The following MLLT3 variants were observed in gnomAD, a reference collection of about 807,000 sequenced individuals.
MLLT3 encodes protein AF-9.
MLLT3 carries 4 observed loss-of-function variants against 53.2 expected under a neutral mutation model. That is an observed-to-expected ratio of 0.08 (90% CI 0.04 to 0.17). MLLT3 has a LOEUF of 0.17. Among genes scored for constraint, MLLT3 ranks in the 10% least tolerant of loss-of-function variants. MLLT3 has a pLI of 1.00. For missense variants in MLLT3, 569 were observed against 684.0 expected (o/e 0.83, Z 1.87); for synonymous variants, 283 against 230.6 (o/e 1.23, Z -2.06).
intron 5 of MLLT3, among the ~76,000 whole-genome samples, chr9:20,379,749 G>A (rs976819081): frequency 6.6e-6 from 1 of 151,902 alleles, no homozygotes; most frequent in Non-Finnish European, 1.5e-5. Flanking sequence ...CTCCAGTTAG[G>A]CTTAACATTC....
At chr9:20,402,266 T>G (rs1438179771) in intron 5 of MLLT3, among the ~76,000 whole-genome samples, 1 of 152,162 alleles carries the variant, frequency 6.6e-6, no homozygotes, top group African/African-American at 2.4e-5. Context: ...AAGAACAGTT[T>G]CAAGAGCAAA....
chr9:20,462,359 A>G (rs1824131590), intron 2 of MLLT3, among the ~76,000 whole-genome samples: 1 of 152,200 alleles, frequency 6.6e-6, no homozygotes, highest in African/African-American at 2.4e-5. Context: ...CAACAAATAC[A>G]TTGAGTTGTA....
At chr9:20,449,108 C>T (rs1823778206) in intron 3 of MLLT3, among the ~76,000 whole-genome samples, 1 of 152,176 alleles carries the variant, frequency 6.6e-6, no homozygotes, top group African/African-American at 2.4e-5. Context: ...TAACTCCCGA[C>T]TCCCCACTGC....
At chr9:20,592,382 T>A (rs1820151138) in intron 2 of MLLT3, among the ~76,000 whole-genome samples, 1 of 152,226 alleles carries the variant, frequency 6.6e-6, no homozygotes, top group African/African-American at 2.4e-5. Flanking sequence ...AAGATGAAGA[T>A]ATCAGCAGGG....
In MLLT3 at chr9:20,448,066, T is replaced by C. The variant is rs1287473125; in HGVS notation, c.420+57A>G. 3 of 1,557,756 alleles carry C rather than the reference T, an allele frequency of 1.9e-6. No individual in the cohort carries two copies. Among genetic ancestry groups the C allele is most frequent in the Non-Finnish European group, 2.6e-6 (3 of 1,153,218 alleles). ...ATGAGGAACTAGTTTGTTTGTTTTT[T>C]TTTTTGTTGTTGTTGTTTTTTAATA... On this transcript the variant is annotated intron_variant, in intron 4 of 10. Transcript: ENST00000380338. The surrounding 1 kb of genome is among the most constrained non-coding windows in gnomAD (Gnocchi z 4.0).
At chr9:20,588,710 T>G (rs1014584675) in intron 2 of MLLT3, among the ~76,000 whole-genome samples, 16 of 152,222 alleles carry the variant, frequency 1.1e-4, no homozygotes, top group Admixed American at 1.0e-3. Flanking sequence ...GAGACTTTGC[T>G]GAAGTTGCTT....
At chr9:20,346,758 T>C (rs1411351502) in intron 10 of MLLT3, among the ~76,000 whole-genome samples, 184 bp from the exon 11 acceptor site, 1 of 152,182 alleles carries the variant, frequency 6.6e-6, no homozygotes, top group East Asian at 1.9e-4. Flanking sequence ...AAAGGTATAT[T>C]AAGCCTTAGA....
At chr9:20,593,673 AC>A (rs1473852338) in intron 2 of MLLT3, among the ~76,000 whole-genome samples, 2 of 152,126 alleles carry the variant, frequency 1.3e-5, no homozygotes, top group Admixed American at 1.3e-4. Flanking sequence ...ATTCCTGTGA[AC>A]CAACCAGTGA....
intron 2 of MLLT3, among the ~76,000 whole-genome samples, chr9:20,597,442 A>G (rs1248545704): frequency 6.6e-6 from 1 of 152,202 alleles, no homozygotes; most frequent in Non-Finnish European, 1.5e-5. Context: ...TCCCACAAGT[A>G]ATTTGTATAG....
intron 2 of MLLT3, among the ~76,000 whole-genome samples, chr9:20,525,324 C>T (rs1818173604): frequency 6.6e-6 from 1 of 152,052 alleles, no homozygotes; most frequent in East Asian, 1.9e-4. Context: ...TGGTGAAATC[C>T]TGTCTGTACT....
chr9:20,361,227 C>T (rs936272709), intron 7 of MLLT3, among the ~76,000 whole-genome samples: 2 of 152,194 alleles, frequency 1.3e-5, no homozygotes, highest in African/African-American at 4.8e-5. Context: ...CTCTCCCTAC[C>T]TACTATGATC....
intron 2 of MLLT3, among the ~76,000 whole-genome samples, chr9:20,498,645 T>C (rs144426240): frequency 1.3e-5 from 2 of 151,954 alleles, no homozygotes; most frequent in Admixed American, 6.6e-5. Flanking sequence ...GTGATTTGTA[T>C]TTTTTTTAGC....
chr9:20,533,118 A>C, intron 2 of MLLT3: 1 of 258,508 alleles, frequency 3.9e-6, no homozygotes, highest in South Asian at 4.4e-5. Context: ...AGGAGAAGGC[A>C]AGTCTGGGAC....
intron 5 of MLLT3, among the ~76,000 whole-genome samples, chr9:20,408,107 T>C (rs1398528936): frequency 6.6e-6 from 1 of 152,106 alleles, no homozygotes; most frequent in Non-Finnish European, 1.5e-5. Context: ...AAATGCTGAG[T>C]TTTGCCAATT....
At chr9:20,492,620 T>C (rs1003159739) in intron 2 of MLLT3, among the ~76,000 whole-genome samples, 2 of 151,938 alleles carry the variant, frequency 1.3e-5, no homozygotes, top group Admixed American at 1.3e-4. Flanking sequence ...ATTAATGTGC[T>C]AGATTTAATA....
chr9:20,419,642 A>G (rs1822957348), intron 4 of MLLT3, among the ~76,000 whole-genome samples: 1 of 152,200 alleles, frequency 6.6e-6, no homozygotes, highest in Non-Finnish European at 1.5e-5. Context: ...GAAATCTAGA[A>G]GAAAGAACAG....
At chr9:20,468,060 C>G (rs552104361) in intron 2 of MLLT3, among the ~76,000 whole-genome samples, 1 of 152,236 alleles carries the variant, frequency 6.6e-6, no homozygotes, top group Non-Finnish European at 1.5e-5. Flanking sequence ...ATGTTCAGTT[C>G]CCTCATTTAC....
In MLLT3 at chr9:20,363,605, C is replaced by T; in HGVS notation, c.1202G>A (p.Gly401Asp). 6.2e-7 allele frequency: 1 copy of T among 1,613,206 alleles called. No individual in the cohort carries two copies. The highest frequency in any genetic ancestry group is 8.5e-7 in the Non-Finnish European group (1 of 1,179,834). Residue 401 changes from glycine to aspartate, a missense_variant and splice_region_variant, in exon 7 of 11, where the codon GGT (glycine) becomes GAT (aspartate). Gly to Asp is a moderately conservative substitution (Grantham distance 94). Transcript: ENST00000380338. The part of the protein sequence containing the change: ...SFTPSQTRQQ[G>D]PLRSIMKDLH... ...ATCTTTCATTATAGACCTCAAAGGACCTGAGTAATGACAATGAACCACAGG... is the reference window on the plus strand; with the variant it reads ...ATCTTTCATTATAGACCTCAAAGGATCTGAGTAATGACAATGAACCACAGG...
chr9:20,515,276 T>C (rs1191336932), intron 2 of MLLT3, among the ~76,000 whole-genome samples: 1 of 152,122 alleles, frequency 6.6e-6, no homozygotes, highest in Non-Finnish European at 1.5e-5. Context: ...AATGCTCCAA[T>C]TGTTTATAAT....
Sources: gnomAD v4.1 joint callset for allele counts (sites outside exome capture counted in the v4.1 genomes callset) on GRCh38, gnomAD v4.1.1 for gene constraint, Gnocchi (gnomAD v3.1) non-coding constraint, MANE v1.5 for transcripts, NCBI Gene and HGNC (gene_info 2026-07-23, HGNC 2026-07-21) for gene names.